Variants in SAMD3 observed in about 807,000 individuals in gnomAD.
The protein encoded by SAMD3 is sterile alpha motif domain-containing protein 3.
In SAMD3, 63 loss-of-function variants were observed where a neutral mutation model predicts 58.5. The ratio of observed to expected loss-of-function variants is 1.08; its 90% confidence interval spans 0.88 to 1.33. SAMD3 has a LOEUF of 1.33. Ranked by LOEUF, SAMD3 falls within the 40% of genes most tolerant of loss-of-function variation. The pLI, the probability that SAMD3 is intolerant of heterozygous loss-of-function variation, is 0.00. For missense variants in SAMD3, 604 were observed against 608.4 expected (o/e 0.99, Z 0.08); for synonymous variants, 220 against 210.3 (o/e 1.05, Z -0.40).
intron 9 of SAMD3, among the ~76,000 whole-genome samples, chr6:130,153,190 A>G (rs1282158889): frequency 2.1e-5 from 3 of 143,158 alleles, no homozygotes; most frequent in Non-Finnish European, 4.7e-5. Flanking sequence ...CTTTTGCTTT[A>G]AAACTGTATT....
rs370213784 is a variant in SAMD3 at position 130,180,953 on chromosome 6, C to CTTTTTTTTTTTTTTT, written c.654+3149_654+3150insAAAAAAAAAAAAAAA. Among the ~76,000 whole-genome samples, 158 of 117,366 alleles carry CTTTTTTTTTTTTTTT rather than the reference C, an allele frequency of 1.3e-3. 6 individuals carry two copies. Among genetic ancestry groups the CTTTTTTTTTTTTTTT allele is most frequent in the Non-Finnish European group, 1.6e-3 (94 of 57,220 alleles). 77.0% of individuals were successfully genotyped at this position (117,366 alleles called of 152,430 possible). On this transcript the variant is annotated intron_variant, in intron 7 of 11. Coordinates refer to ENST00000439090, the MANE Select transcript of SAMD3 (RefSeq NM_001017373.4). ...TTTTCTTTTTTCTTTTTCTTTCTTT[C>CTTTTTTTTTTTTTTT]TTTTTTCTTTTGAGACGGAGTTCCG... is the stretch of plus-strand genomic sequence containing the variant.
chr6:130,188,119 A>G (rs559930620), intron 5 of SAMD3, among the ~76,000 whole-genome samples: 1 of 152,364 alleles, frequency 6.6e-6, no homozygotes, highest in East Asian at 1.9e-4. Flanking sequence ...TTCATAAAAA[A>G]GCTAACTGAC....
chr6:130,215,134 A>C (rs1795921382), intron 3 of SAMD3, 61 bp downstream of exon 3: 1 of 853,062 alleles, frequency 1.2e-6, no homozygotes, highest in Non-Finnish European at 1.9e-6. Context: ...TTTCAGTAAC[A>C]GAGGACACCA....
chr6:130,319,915 C>G (rs757084376), intron 1 of SAMD3, among the ~76,000 whole-genome samples: 9 of 151,836 alleles, frequency 5.9e-5, no homozygotes, highest in Non-Finnish European at 1.0e-4. Context: ...CCTGACATGG[C>G]TAAGAAAAGA....
chr6:130,255,855 C>T (rs1239642781), intron 2 of SAMD3, among the ~76,000 whole-genome samples: 4 of 142,012 alleles, frequency 2.8e-5, no homozygotes, highest in African/African-American at 1.0e-4. Flanking sequence ...TGGGTCTTGT[C>T]TTTTTTTTTT....
intron 2 of SAMD3, among the ~76,000 whole-genome samples, chr6:130,242,567 G>A (rs1439513868): frequency 6.6e-6 from 1 of 152,138 alleles, no homozygotes; most frequent in Non-Finnish European, 1.5e-5. Flanking sequence ...TGAAAATGAG[G>A]GCTATACTTC....
At chr6:130,187,765 G>A (rs1292109633) in intron 5 of SAMD3, among the ~76,000 whole-genome samples, 1 of 152,192 alleles carries the variant, frequency 6.6e-6, no homozygotes, top group Admixed American at 6.5e-5. Flanking sequence ...AGGGCAGGGA[G>A]CAGACAGCAG....
intron 2 of SAMD3, among the ~76,000 whole-genome samples, chr6:130,306,106 T>C (rs1775903467): frequency 6.6e-6 from 1 of 152,302 alleles, no homozygotes; most frequent in East Asian, 1.9e-4. Context: ...TCCAATACTA[T>C]CACACTAAGG....
chr6:130,274,930 A>G (rs1774721975), intron 2 of SAMD3, among the ~76,000 whole-genome samples: 1 of 152,018 alleles, frequency 6.6e-6, no homozygotes, highest in African/African-American at 2.4e-5. Context: ...GACTTTTGGG[A>G]ACTATCAGGT....
intron 2 of SAMD3, among the ~76,000 whole-genome samples, chr6:130,251,804 C>T (rs1192308100): frequency 6.6e-6 from 1 of 152,098 alleles, no homozygotes; most frequent in Non-Finnish European, 1.5e-5. Context: ...TATGAGTCCT[C>T]CAACTTTGTT....
chr6:130,149,160 C>A (rs187315543), intron 9 of SAMD3, among the ~76,000 whole-genome samples: 1 of 152,212 alleles, frequency 6.6e-6, no homozygotes, highest in Non-Finnish European at 1.5e-5. Context: ...AGTGAGATTC[C>A]TGGCTCCCAT....
chr6:130,313,954 G>A (rs1216356279), intron 1 of SAMD3, among the ~76,000 whole-genome samples: 1 of 152,168 alleles, frequency 6.6e-6, no homozygotes, highest in African/African-American at 2.4e-5. Flanking sequence ...GCTGTTATCT[G>A]CTCTCCCATT....
intron 2 of SAMD3, among the ~76,000 whole-genome samples, chr6:130,266,668 C>T (rs1211840805): frequency 2.0e-5 from 3 of 152,128 alleles, no homozygotes; most frequent in East Asian, 1.9e-4. Context: ...CTGGATTATA[C>T]GGGATATGTA....
chr6:130,302,758 T>C (rs1195167330), intron 2 of SAMD3, among the ~76,000 whole-genome samples: 4 of 152,074 alleles, frequency 2.6e-5, no homozygotes, highest in Admixed American at 6.5e-5. Context: ...TAAAAAAGAA[T>C]GAAATAATAT....
chr6:130,154,824 C>A lies in SAMD3; in HGVS notation c.1023+1G>T, dbSNP rs769432524. On this transcript the variant is annotated splice_donor_variant, in intron 9 of 11. Transcript: ENST00000439090. LOFTEE classifies it high-confidence loss of function. ...TGTATATATATATAGAATAAAGATA[C>A]CTGATAAGGGCACTTCAAGAAAGGA... 1 of 1,592,848 alleles carries A rather than the reference C, an allele frequency of 6.3e-7. No homozygotes were observed. The highest frequency in any genetic ancestry group is 1.1e-5 in the South Asian group (1 of 90,446).
intron 2 of SAMD3, among the ~76,000 whole-genome samples, chr6:130,266,631 A>G (rs1774366320): frequency 6.6e-6 from 1 of 152,210 alleles, no homozygotes; most frequent in South Asian, 2.1e-4. Context: ...ATCCTCCCAG[A>G]GTCCCACCGG....
At chr6:130,154,474 A>G (rs990103419) in intron 9 of SAMD3, among the ~76,000 whole-genome samples, 2 of 151,766 alleles carry the variant, frequency 1.3e-5, no homozygotes, top group Non-Finnish European at 2.9e-5. Flanking sequence ...CAGGCAGATC[A>G]CCTGAGGTCA....
intron 2 of SAMD3, among the ~76,000 whole-genome samples, chr6:130,308,170 G>A (rs535580348): frequency 5.2e-4 from 79 of 152,192 alleles, no homozygotes; most frequent in African/African-American, 1.7e-3. Flanking sequence ...GTTTAGCTCT[G>A]TTAGTCTTGA....
chr6:130,327,539 A>T (rs1776795590), intron 1 of SAMD3, among the ~76,000 whole-genome samples: 1 of 152,218 alleles, frequency 6.6e-6, no homozygotes. Flanking sequence ...AATAAAAATC[A>T]ATCTAATAAA....
Sources: gnomAD v4.1 joint callset for allele counts (sites outside exome capture counted in the v4.1 genomes callset) on GRCh38, gnomAD v4.1.1 for gene constraint, MANE v1.5 for transcripts, NCBI Gene and HGNC (gene_info 2026-07-23, HGNC 2026-07-21) for gene names.